CHGB: variants seen among roughly 807,000 people sequenced by gnomAD.
The protein encoded by CHGB is secretogranin-1.
A neutral mutation model predicts 69.9 loss-of-function variants in CHGB; 46 were observed. That is an observed-to-expected ratio of 0.66 (90% confidence interval 0.52 to 0.84). The LOEUF (loss-of-function observed/expected upper bound fraction) is 0.84, where lower values mean the gene tolerates loss of function less well. Ranked by LOEUF, CHGB falls within the 40% of genes least tolerant of loss-of-function variation. The pLI is 0.00. For synonymous variants in CHGB, 312 were observed against 298.2 expected, an observed-to-expected ratio of 1.05 and a Z score of -0.48; for missense variants, 796 against 822.2, an observed-to-expected ratio of 0.97 and a Z score of 0.39.
chr20:5,922,803 A>T lies in CHGB; in HGVS notation c.659A>T (p.His220Leu). Residue 220 changes from histidine (H) to leucine (L), a missense_variant, in exon 4 of 5, where the codon CAT becomes CTT. Around this residue, in one of 3 missense-constraint regions of CHGB, gnomAD observed 518 missense variants for 506.3 expected, o/e 1.02. Coordinates refer to ENST00000378961, the MANE Select transcript of CHGB (RefSeq NM_001819.3). ...GAGTTAGTGGCCAGATCGGAAACAC[A>T]TGCTGCCGGGCATTCTCAGGAGAAG... ...KEELVARSET[H>L]AAGHSQEKTH... 1 of 1,614,190 alleles carries T rather than the reference A, an allele frequency of 6.2e-7. No individual in the cohort carries two copies. The highest frequency in any genetic ancestry group is 8.5e-7 in the Non-Finnish European group (1 of 1,180,034).
rs761127764 is a variant in CHGB, at chr20:5,923,365, A to C, written c.1221A>C (p.Glu407Asp). ...MAHGYGEESE[E>D]ERGLEPGKGR... The stretch of plus-strand genomic sequence containing the variant: ...ATGGATATGGTGAAGAAAGTGAGGA[A>C]GAGAGGGGCCTTGAGCCGGGAAAGG... Residue 407 changes from glutamate to aspartate, a missense_variant, in exon 4 of 5, where the codon GAA becomes GAC. Physicochemically the swap from Glu to Asp is conservative, Grantham distance 45. Transcript: ENST00000378961. 6.2e-7 allele frequency: 1 copy of C among 1,613,922 alleles called. No individual in the cohort carries two copies. Among genetic ancestry groups the C allele is most frequent in the South Asian group, 1.1e-5 (1 of 91,082 alleles).
Position 5,923,793 on chromosome 20 carries a change from A to C in CHGB, c.1649A>C (p.Glu550Ala). The C allele has an allele frequency of 6.2e-7, 1 of 1,614,216 alleles. No homozygotes were observed. The change falls in exon 4 of 5, where the codon GAG becomes GCG. Residue 550 changes from glutamate (E) to alanine (A), a missense_variant. Physicochemically the swap from Glu to Ala is moderately radical, Grantham distance 107 (BLOSUM62 -1). Coordinates refer to ENST00000378961, the MANE Select transcript of CHGB (RefSeq NM_001819.3). ...ATGAATGACAATTTTCTCGAGGGTG[A>C]GGAGGAAAATGAGCTGACCTTGAAC... ...DNMNDNFLEG[E>A]EENELTLNEK...
intron 3 of CHGB, chr20:5,917,835 C>CTT (rs1568550192): frequency 6.6e-6 from 1 of 151,994 alleles, no homozygotes; most frequent in African/African-American, 2.4e-5. Flanking sequence ...CTTATTTTTT[C>CTT]ACCTTTAAAA....
chr20:5,915,511 C>T (rs978956022), intron 1 of CHGB: 6 of 152,066 alleles, frequency 3.9e-5, no homozygotes, highest in African/African-American at 9.7e-5. Flanking sequence ...GATGCATAAA[C>T]GAGCTTGTTC....
intron 3 of CHGB, 150 bp downstream of exon 3, chr20:5,917,069 C>A: frequency 4.2e-6 from 3 of 715,406 alleles, no homozygotes; most frequent in Non-Finnish European, 2.4e-6. Flanking sequence ...ATCTGGGAGA[C>A]AGAAGATATG....
In CHGB at chr20:5,923,669, C is replaced by T. The variant is rs1427966454; in HGVS notation, c.1525C>T (p.His509Tyr). The T allele has an allele frequency of 6.2e-7, 1 of 1,614,080 alleles. No individual in the cohort carries two copies. The change falls in exon 4 of 5, where the codon CAT becomes TAT. Residue 509 changes from histidine (H) to tyrosine (Y), a missense_variant. Transcript: ENST00000378961. The stretch of plus-strand genomic sequence containing the variant: ...GTTTCAAGATAAACAATATAGCTCC[C>T]ATCACACAGCTGAAAAGAGGAAGAG... ...ARFQDKQYSSHHTAEKRKRLG... is the reference protein window; with the variant it reads ...ARFQDKQYSSYHTAEKRKRLG...
Position 5,922,746 on chromosome 20 carries a change from A to G in CHGB, c.602A>G (p.Glu201Gly). ...GAGACACAAAACGCTTTTCTCAATG[A>G]AAGAAAGCAGGCTTCAGCTATAAAA... ...PGETQNAFLN[E>G]RKQASAIKKE... The change falls in exon 4 of 5, where the codon GAA (glutamate) becomes GGA (glycine). Residue 201 changes from glutamate (E) to glycine (G), a missense_variant. Physicochemically the swap from Glu to Gly is moderately conservative, Grantham distance 98. Transcript: ENST00000378961. 1 of 1,614,166 alleles carries G rather than the reference A, an allele frequency of 6.2e-7. No homozygotes were observed. Among genetic ancestry groups the G allele is most frequent in the Non-Finnish European group, 8.5e-7 (1 of 1,180,028 alleles).
At chr20:5,921,793 A>T (rs778408703) in intron 3 of CHGB, among the ~76,000 whole-genome samples, 1 of 152,268 alleles carries the variant, frequency 6.6e-6, no homozygotes, top group Non-Finnish European at 1.5e-5. Context: ...AAAGTCTGAT[A>T]TAAACTAATA....
intron 4 of CHGB, among the ~76,000 whole-genome samples, chr20:5,924,438 G>T (rs2088537927): frequency 6.6e-6 from 1 of 152,180 alleles, no homozygotes; most frequent in African/African-American, 2.4e-5. Flanking sequence ...GCTTCCAGAT[G>T]ATTGCAGCGT....
intron 1 of CHGB, among the ~76,000 whole-genome samples, chr20:5,912,685 G>A (rs1350337559): frequency 2.0e-5 from 3 of 151,966 alleles, no homozygotes; most frequent in African/African-American, 4.8e-5. Context: ...TACCGGTATT[G>A]AGATATTGAG....
At chr20:5,913,632 T>TCTTTTC (rs201859957) in intron 1 of CHGB, among the ~76,000 whole-genome samples, 3 of 143,438 alleles carry the variant, frequency 2.1e-5, no homozygotes, top group African/African-American at 7.9e-5. Flanking sequence ...TCTTTTCTTT[T>TCTTTTC]TTTTTTTTTT....
chr20:5,920,287 C>T (rs551222816), intron 3 of CHGB, among the ~76,000 whole-genome samples: 1 of 152,342 alleles, frequency 6.6e-6, no homozygotes, highest in South Asian at 2.1e-4. Context: ...TGACTCGGCC[C>T]CTGGAGGCTG....
Position 5,922,788 on chromosome 20 carries a change from C to A in CHGB, c.644C>A (p.Ala215Asp). Residue 215 changes from alanine (A) to aspartate (D), a missense_variant, in exon 4 of 5, where the codon GCC becomes GAC. Transcript: ENST00000378961. Reference protein sequence around the residue: ...ASAIKKEELVARSETHAAGHS... With the variant: ...ASAIKKEELVDRSETHAAGHS... ...GCTATAAAAAAAGAGGAGTTAGTGG[C>A]CAGATCGGAAACACATGCTGCCGGG... 1.2e-6 allele frequency: 2 copies of A among 1,614,066 alleles called. No homozygotes were observed. The highest frequency in any genetic ancestry group is 1.7e-6 in the Non-Finnish European group (2 of 1,180,028).
At chr20:5,920,381 A>G (rs1355034059) in intron 3 of CHGB, among the ~76,000 whole-genome samples, 1 of 152,148 alleles carries the variant, frequency 6.6e-6, no homozygotes, top group Non-Finnish European at 1.5e-5. Flanking sequence ...GGGCTGCTAT[A>G]TCAAATACCA....
chr20:5,918,810 TAAAAAAAAAAAAAAAAAAAA>T lies in CHGB; in HGVS notation c.190+1907_190+1926del, dbSNP rs71182109. Among the ~76,000 whole-genome samples the T allele has an allele frequency of 6.9e-3, 217 of 31,484 alleles. 5 individuals carry two copies. The highest frequency in any genetic ancestry group is 0.024 in the East Asian group (16 of 666). 20.7% of individuals were successfully genotyped at this position (31,484 alleles called of 152,430 possible). On this transcript the variant is annotated intron_variant, in intron 3 of 4. Coordinates refer to ENST00000378961, the MANE Select transcript of CHGB (RefSeq NM_001819.3). ...CTCAGTGACAGAGCGAGTCTCTGTC[TAAAAAAAAAAAAAAAAAAAA>T]AAAAAAAAAAAAAAAGAGCAACCTG...
chr20:5,912,163 G>A (rs2088450591), intron 1 of CHGB, among the ~76,000 whole-genome samples: 1 of 152,094 alleles, frequency 6.6e-6, no homozygotes, highest in Admixed American at 6.5e-5. Flanking sequence ...TAAGTATGAT[G>A]AGATAAAAGT....
At chr20:5,913,639 T>A (rs937214243) in intron 1 of CHGB, among the ~76,000 whole-genome samples, 8 of 146,438 alleles carry the variant, frequency 5.5e-5, no homozygotes, top group African/African-American at 2.0e-4. Context: ...TTTTTTTTTT[T>A]TTTTTTTTGA....
rs1406390813 is a variant in CHGB at position 5,916,904 on chromosome 20, CA to C, written c.177del (p.Val60SerfsTer2). ...SAPPITPECR[Q>X]VLKTSRKDVK... ...TCCACCCATCACCCCTGAGTGCCGC[CA>C]AGTCCTGAAGACGAGTAAGTGTCCC... On this transcript the variant is annotated frameshift_variant, in exon 3 of 5. Coordinates refer to ENST00000378961, the MANE Select transcript of CHGB (RefSeq NM_001819.3). LOFTEE classifies it high-confidence loss of function. The C allele has an allele frequency of 3.1e-6, 5 of 1,614,214 alleles. No individual in the cohort carries two copies. Among genetic ancestry groups the C allele is most frequent in the Non-Finnish European group, 4.2e-6 (5 of 1,180,028 alleles).
chr20:5,912,893 A>T (rs2088454436), intron 1 of CHGB, among the ~76,000 whole-genome samples: 1 of 152,220 alleles, frequency 6.6e-6, no homozygotes, highest in Non-Finnish European at 1.5e-5. Flanking sequence ...GCCAGTCGTA[A>T]TTAATTTTAT....
Sources: gnomAD v4.1 joint callset for allele counts (sites outside exome capture counted in the v4.1 genomes callset) on GRCh38, gnomAD v4.1.1 for gene constraint, gnomAD v4.1.1 regional missense constraint, MANE v1.5 for transcripts, NCBI Gene and HGNC (gene_info 2026-07-23, HGNC 2026-07-21) for gene names.